Variants in CFAP221 observed in about 807,000 individuals in gnomAD.
CFAP221 encodes cilia and flagella associated protein 221, also known as cilia- and flagella-associated protein 221.
In CFAP221, 97 loss-of-function variants were observed where a neutral mutation model predicts 113.1. The observed-to-expected ratio is 0.86, with a 90% CI of 0.73 to 1.02. The LOEUF is 1.02. CFAP221 is among the 50% of genes least tolerant of loss of function. The pLI, the probability that CFAP221 is intolerant of heterozygous loss-of-function variation, is 0.00. For synonymous variants in CFAP221, 331 were observed against 354.4 expected, an observed-to-expected ratio of 0.93 and a Z score of 0.74; for missense variants, 1,025 against 1,013.4, an observed-to-expected ratio of 1.01 and a Z score of -0.16.
intron 6 of CFAP221, among the ~76,000 whole-genome samples, chr2:119,564,033 A>T (rs575588723): frequency 1.3e-5 from 2 of 152,174 alleles, no homozygotes; most frequent in Non-Finnish European, 2.9e-5. Flanking sequence ...GTAGATAAAG[A>T]CTGTGGGCTT....
rs762119666 is a variant in CFAP221, at chr2:119,638,375, G to T, written c.2091G>T (p.Gly697=). 1.1e-5 allele frequency: 17 copies of T among 1,614,132 alleles called. No individual in the cohort carries two copies. Among genetic ancestry groups the T allele is most frequent in the Non-Finnish European group, 1.4e-5 (16 of 1,180,020 alleles). Residue 697 remains glycine, a synonymous_variant, in exon 20 of 24, where the codon GGG becomes GGT. Transcript: ENST00000413369. ...AATTCACCAAAGAGTCCCGCCACGG[G>T]TCCAGCATTCCTGTCACCCAAAAGC... The part of the protein sequence containing the change: ...KYKFTKESRH[G]SSIPVTQKQF...
At chr2:119,570,105 C>T (rs1233036400) in intron 6 of CFAP221, among the ~76,000 whole-genome samples, 1 of 152,186 alleles carries the variant, frequency 6.6e-6, no homozygotes, top group African/African-American at 2.4e-5. Flanking sequence ...TGTAAGCAGA[C>T]TTTTATAATG....
intron 12 of CFAP221, 123 bp downstream of exon 12, chr2:119,608,712 A>G: frequency 1.3e-6 from 1 of 772,854 alleles, no homozygotes; most frequent in Non-Finnish European, 2.2e-6. Context: ...GGCTGACGAC[A>G]AGTAAATTGT....
At chr2:119,559,860 T>A in intron 4 of CFAP221, 68 bp from the exon 5 acceptor site, 1 of 1,477,272 alleles carries the variant, frequency 6.8e-7, no homozygotes, top group Non-Finnish European at 9.1e-7. Flanking sequence ...TGTGGTGTGT[T>A]GTCACCCCCG....
downstream of CFAP221, among the ~76,000 whole-genome samples, chr2:119,659,751 C>T (rs115280123): frequency 2.2e-3 from 339 of 152,320 alleles, no homozygotes; most frequent in African/African-American, 8.0e-3. Flanking sequence ...CATGCTATTC[C>T]CTATGACCTC....
chr2:119,576,459 G>A (rs909138913), intron 6 of CFAP221, among the ~76,000 whole-genome samples: 1 of 152,058 alleles, frequency 6.6e-6, no homozygotes, highest in Non-Finnish European at 1.5e-5. Flanking sequence ...GCGGTATTTG[G>A]TTTTCTGTTT....
At chr2:119,658,619 GCACA>G (rs370284869), downstream of CFAP221, among the ~76,000 whole-genome samples, 62 of 147,724 alleles carry the variant, frequency 4.2e-4, no homozygotes, top group East Asian at 2.0e-3. Context: ...CCCTCAACAC[GCACA>G]CACACACACA....
Position 119,615,609 on chromosome 2 carries a change from A to G in CFAP221, c.1312-2A>G, listed in dbSNP as rs764908492. The stretch of plus-strand genomic sequence containing the variant: ...AGATGTGCCTATATTTTATATTCAC[A>G]GAAAATCAAGGAATTTCATCCTACT... On this transcript the variant is annotated splice_acceptor_variant, in intron 13 of 23. Coordinates refer to ENST00000413369, the MANE Select transcript of CFAP221 (RefSeq NM_001271049.2). LOFTEE classifies it high-confidence loss of function. 1 of 1,597,692 alleles carries G rather than the reference A, an allele frequency of 6.3e-7. No homozygotes were observed.
intron 1 of CFAP221, among the ~76,000 whole-genome samples, chr2:119,544,814 G>T (rs549009072): frequency 6.6e-6 from 1 of 152,226 alleles, no homozygotes; most frequent in African/African-American, 2.4e-5. Context: ...AGGGTGCGGC[G>T]GTGAGACCCG....
chr2:119,553,444 G>A (rs1680568622), intron 3 of CFAP221, among the ~76,000 whole-genome samples: 1 of 152,186 alleles, frequency 6.6e-6, no homozygotes, highest in African/African-American at 2.4e-5. Context: ...AGGAAGTTAA[G>A]GAAGTATTTT....
At chr2:119,609,006 A>G (rs1343745077) in intron 12 of CFAP221, among the ~76,000 whole-genome samples, 3 of 152,216 alleles carry the variant, frequency 2.0e-5, no homozygotes, top group Non-Finnish European at 4.4e-5. Flanking sequence ...TCAGAGACAG[A>G]TGCAAATGAT....
At chr2:119,579,999 C>A (rs913593824) in intron 6 of CFAP221, among the ~76,000 whole-genome samples, 3 of 152,180 alleles carry the variant, frequency 2.0e-5, no homozygotes, top group African/African-American at 7.2e-5. Context: ...TTCAACACTT[C>A]ACATCGCGCA....
At chr2:119,625,354 G>A (rs1418160647) in intron 14 of CFAP221, among the ~76,000 whole-genome samples, 1 of 152,150 alleles carries the variant, frequency 6.6e-6, no homozygotes, top group Non-Finnish European at 1.5e-5. Context: ...GTGGGACAAG[G>A]CCAGATGACA....
intron 15 of CFAP221, chr2:119,625,926 C>T (rs1395158733): frequency 6.0e-6 from 3 of 500,578 alleles, no homozygotes; most frequent in Non-Finnish European, 1.1e-5. Context: ...ATTTTCTCAA[C>T]CTAGCATTCA....
chr2:119,600,535 G>T (rs1420268464), intron 7 of CFAP221, among the ~76,000 whole-genome samples: 1 of 152,170 alleles, frequency 6.6e-6, no homozygotes, highest in Admixed American at 6.5e-5. Flanking sequence ...AATAATTATT[G>T]TAAAGGATTA....
intron 3 of CFAP221, among the ~76,000 whole-genome samples, chr2:119,554,476 G>A (rs998349238): frequency 6.6e-6 from 1 of 152,146 alleles, no homozygotes; most frequent in Non-Finnish European, 1.5e-5. Flanking sequence ...AACCAGTGTT[G>A]CTATTGCCAG....
At chr2:119,597,917 T>C (rs4849786) in intron 7 of CFAP221, among the ~76,000 whole-genome samples, 137,314 of 152,192 alleles carry the variant, frequency 0.9, 62,400 homozygotes, top group South Asian at 0.97. Context: ...TGTGGGGGTT[T>C]TACAAAGGGA....
At chr2:119,546,564 C>G (rs965581590) in intron 2 of CFAP221, among the ~76,000 whole-genome samples, 1 of 152,162 alleles carries the variant, frequency 6.6e-6, no homozygotes, top group African/African-American at 2.4e-5. Flanking sequence ...ACTCCTCCCC[C>G]ACCACATTCT....
chr2:119,550,637 A>T (rs1205756320), intron 3 of CFAP221, among the ~76,000 whole-genome samples: 1 of 152,200 alleles, frequency 6.6e-6, no homozygotes, highest in African/African-American at 2.4e-5. Flanking sequence ...AATAATTATG[A>T]TTCATAATTA....
Sources: gnomAD v4.1 joint callset for allele counts (sites outside exome capture counted in the v4.1 genomes callset) on GRCh38, gnomAD v4.1.1 for gene constraint, MANE v1.5 for transcripts, NCBI Gene and HGNC (gene_info 2026-07-23, HGNC 2026-07-21) for gene names.